ANXA8: variants seen among roughly 807,000 people sequenced by gnomAD.
ANXA8 encodes the protein annexin A8.
Under a neutral mutation model 26.8 loss-of-function variants are expected in ANXA8, and 9 were observed. The observed-to-expected ratio is 0.34, with a 90% CI of 0.20 to 0.59. The LOEUF (loss-of-function observed/expected upper bound fraction) is 0.59, where lower values mean the gene tolerates loss of function less well. ANXA8 is among the 20% of genes least tolerant of loss of function. The pLI, the probability that ANXA8 is intolerant of heterozygous loss-of-function variation, is 0.84. For missense variants in ANXA8, 83 were observed against 238.5 expected, an observed-to-expected ratio of 0.35 and a Z score of 4.29; for synonymous variants, 39 against 94.8, an observed-to-expected ratio of 0.41 and a Z score of 3.42.
the ANXA8 span, among the ~76,000 whole-genome samples, chr10:47,674,390 C>T: frequency 6.6e-6 from 1 of 151,342 alleles, no homozygotes; most frequent in Non-Finnish European, 1.5e-5. Flanking sequence ...CTTCAGCCTC[C>T]CAAGTAGTTG....
At chr10:47,982,826 A>ATATATAT in the ANXA8 span, among the ~76,000 whole-genome samples, 1 of 71,454 alleles carries the variant, frequency 1.4e-5, no homozygotes, top group African/African-American at 4.9e-5. Context: ...ATATATATAT[A>ATATATAT]TATATATAAA....
the ANXA8 span, among the ~76,000 whole-genome samples, chr10:47,521,893 G>A: frequency 7.6e-4 from 114 of 149,600 alleles, no homozygotes; most frequent in African/African-American, 2.6e-3. Context: ...CAATTCTCCC[G>A]CCTCAGCCTT....
chr10:47,554,640 C>T, the ANXA8 span, among the ~76,000 whole-genome samples: 1 of 150,984 alleles, frequency 6.6e-6, no homozygotes, highest in African/African-American at 2.4e-5. Context: ...ATGATCCCAC[C>T]GGTGCATGCA....
the ANXA8 span, among the ~76,000 whole-genome samples, chr10:47,553,034 A>G: frequency 2.6e-5 from 4 of 152,056 alleles, no homozygotes; most frequent in Non-Finnish European, 5.9e-5. Context: ...GTCAAGGAAC[A>G]CTGGCCGGGA....
chr10:47,585,788 A>AC, the ANXA8 span, among the ~76,000 whole-genome samples: 1 of 88,080 alleles, frequency 1.1e-5, no homozygotes, highest in Non-Finnish European at 2.2e-5. Context: ...TTTTGTAAAA[A>AC]AAAAAAAAAG....
At chr10:47,649,623 G>C in the ANXA8 span, among the ~76,000 whole-genome samples, 1 of 151,444 alleles carries the variant, frequency 6.6e-6, no homozygotes, top group Non-Finnish European at 1.5e-5. Flanking sequence ...TGGCCAGGCT[G>C]GTCTCGAACT....
chr10:47,894,644 C>T, the ANXA8 span, among the ~76,000 whole-genome samples: 3 of 150,794 alleles, frequency 2.0e-5, no homozygotes, highest in African/African-American at 7.3e-5. Context: ...ACACACACCA[C>T]ACACACCACA....
At chr10:47,969,895 T>C in the ANXA8 span, 1 of 151,314 alleles carries the variant, frequency 6.6e-6, no homozygotes, top group Non-Finnish European at 1.5e-5. Flanking sequence ...ATGAACCTTG[T>C]CTTCCAGAAA....
chr10:47,671,466 T>A, the ANXA8 span, among the ~76,000 whole-genome samples: 22 of 151,810 alleles, frequency 1.4e-4, no homozygotes, highest in Non-Finnish European at 2.6e-4. Context: ...ACCGACTATA[T>A]TTCTGCATTA....
At chr10:47,474,909 G>A in intron 7 of ANXA8, 36 bp downstream of exon 7, 3 of 1,533,068 alleles carry the variant, frequency 2.0e-6, no homozygotes, top group Non-Finnish European at 1.8e-6. Flanking sequence ...AGATGGCAGG[G>A]GGTGGGGCCA....
At chr10:47,888,688 GA>G in the ANXA8 span, among the ~76,000 whole-genome samples, 1 of 8,360 alleles carries the variant, frequency 1.2e-4, no homozygotes. Context: ...GCCCAGGCTG[GA>G]ATGCAGTGGT....
the ANXA8 span, among the ~76,000 whole-genome samples, chr10:47,674,023 G>T: frequency 6.6e-6 from 1 of 151,686 alleles, no homozygotes; most frequent in Middle Eastern, 3.4e-3. Context: ...GAGGAGTATT[G>T]TTCAGGTATT....
chr10:47,915,065 A>G, the ANXA8 span, among the ~76,000 whole-genome samples: 1 of 152,100 alleles, frequency 6.6e-6, no homozygotes. Context: ...TCCATGAAAA[A>G]AGTAGGACAG....
At chr10:47,681,622 C>G in the ANXA8 span, among the ~76,000 whole-genome samples, 1 of 126,134 alleles carries the variant, frequency 7.9e-6, no homozygotes, top group Non-Finnish European at 1.7e-5. Flanking sequence ...GCCTTGATCT[C>G]CCAGGCTCAG....
the ANXA8 span, among the ~76,000 whole-genome samples, chr10:47,762,290 G>A: frequency 1.3e-5 from 2 of 151,696 alleles, no homozygotes; most frequent in East Asian, 3.9e-4. Flanking sequence ...GGACCTAGGA[G>A]GCTTCGCCCC....
At chr10:47,940,625 C>T in the ANXA8 span, among the ~76,000 whole-genome samples, 1 of 147,712 alleles carries the variant, frequency 6.8e-6, no homozygotes, top group African/African-American at 2.6e-5. Flanking sequence ...GTCAGGAGTT[C>T]AAGACCTGCC....
the ANXA8 span, among the ~76,000 whole-genome samples, chr10:47,579,974 A>C: frequency 1.3e-5 from 2 of 148,994 alleles, no homozygotes; most frequent in Non-Finnish European, 3.0e-5. Context: ...ACCTCAATGC[A>C]GTGGCTCTAT....
At chr10:47,688,710 T>C in the ANXA8 span, among the ~76,000 whole-genome samples, 3 of 151,454 alleles carry the variant, frequency 2.0e-5, no homozygotes, top group East Asian at 2.0e-4. Context: ...CGTGAACCAC[T>C]GTGCTCTGCC....
chr10:47,565,034 G>A, the ANXA8 span: 5 of 812,890 alleles, frequency 6.2e-6, no homozygotes, highest in Admixed American at 1.7e-5. Context: ...TATCGCCATC[G>A]CCTACATCAT....
Sources: allele counts gnomAD v4.1 joint callset (sites outside exome capture counted in the v4.1 genomes callset), GRCh38; gene constraint gnomAD v4.1.1; transcripts MANE v1.5; gene names NCBI Gene and HGNC (gene_info 2026-07-23, HGNC 2026-07-21).